The following PRLR variants were observed in gnomAD, a reference collection of about 807,000 sequenced individuals.
PRLR encodes prolactin receptor.
PRLR carries 13 observed loss-of-function variants against 40.2 expected under a neutral mutation model. The ratio of observed to expected loss-of-function variants is 0.32; its 90% CI spans 0.21 to 0.51. The LOEUF is 0.51. Ranked by LOEUF, PRLR falls within the 20% of genes least tolerant of loss-of-function variation. The pLI, the probability that PRLR is intolerant of heterozygous loss-of-function variation, is 0.97. For missense variants in PRLR, 656 were observed against 747.3 expected (o/e 0.88, Z 1.42); for synonymous variants, 269 against 278.7 (o/e 0.97, Z 0.35).
chr5:35,134,946 C>T (rs752342387), intron 1 of PRLR, among the ~76,000 whole-genome samples: 5 of 152,276 alleles, frequency 3.3e-5, no homozygotes, highest in Admixed American at 1.3e-4. Context: ...GCTGGTGTAA[C>T]GCAGCCCAGT....
chr5:35,115,978 C>A (rs1772991681), intron 2 of PRLR, among the ~76,000 whole-genome samples: 2 of 152,102 alleles, frequency 1.3e-5, no homozygotes, highest in Admixed American at 1.3e-4. Context: ...TTCTTTTCAC[C>A]CTGAAACTGA....
At chr5:35,194,716 A>C (rs1198367097) in intron 1 of PRLR, among the ~76,000 whole-genome samples, 1 of 152,230 alleles carries the variant, frequency 6.6e-6, no homozygotes, top group Non-Finnish European at 1.5e-5. Flanking sequence ...ATTTCAGAAA[A>C]GACACAAGTA....
chr5:35,108,286 T>A (rs534431707), intron 2 of PRLR, among the ~76,000 whole-genome samples: 2 of 152,280 alleles, frequency 1.3e-5, no homozygotes, highest in African/African-American at 4.8e-5. Context: ...GGGCAAAAAC[T>A]GGAAGCATTC....
chr5:35,093,404 G>C (rs1043993721), intron 2 of PRLR, among the ~76,000 whole-genome samples: 1 of 152,148 alleles, frequency 6.6e-6, no homozygotes, highest in Non-Finnish European at 1.5e-5. Context: ...AATCCTGCCT[G>C]CCAGCAATCT....
intron 1 of PRLR, among the ~76,000 whole-genome samples, chr5:35,173,679 C>T (rs886454536): frequency 6.6e-6 from 1 of 152,212 alleles, no homozygotes; most frequent in Admixed American, 6.5e-5. Flanking sequence ...AACTTTCCTG[C>T]CTCTTATGTC....
chr5:35,152,596 A>G (rs1774372805), intron 1 of PRLR, among the ~76,000 whole-genome samples: 1 of 152,220 alleles, frequency 6.6e-6, no homozygotes, highest in Non-Finnish European at 1.5e-5. Flanking sequence ...AACCCACACT[A>G]GTACAAGTAT....
At chr5:35,211,654 T>C (rs867692430) in intron 1 of PRLR, among the ~76,000 whole-genome samples, 3 of 152,232 alleles carry the variant, frequency 2.0e-5, no homozygotes, top group Non-Finnish European at 4.4e-5. Context: ...ACTTGCTTAT[T>C]GATGTTATTC....
chr5:35,164,486 C>A (rs1225447310), intron 1 of PRLR, among the ~76,000 whole-genome samples: 1 of 152,002 alleles, frequency 6.6e-6, no homozygotes, highest in African/African-American at 2.4e-5. Flanking sequence ...AAATAGCAAG[C>A]ACAAAAAGTC....
intron 1 of PRLR, among the ~76,000 whole-genome samples, chr5:35,142,198 GATAT>G (rs1449538755): frequency 6.6e-6 from 1 of 152,202 alleles, no homozygotes; most frequent in Non-Finnish European, 1.5e-5. Context: ...GAAATTAGCA[GATAT>G]ATAGTATCAG....
chr5:35,063,023 T>G lies in PRLR; in HGVS notation c.*2066A>C, dbSNP rs1384551254. On this transcript the variant is annotated 3_prime_UTR_variant, in exon 10 of 10. Coordinates refer to ENST00000618457, the MANE Select transcript of PRLR (RefSeq NM_000949.7). ...AAACTTCAGTGTGCAATTGAATCAT[T>G]TGGGGATCTTAGTAAAATGCAGATT... is the stretch of plus-strand genomic sequence containing the variant. 6.6e-6 allele frequency: 1 copy of G among 152,148 alleles called. No individual in the cohort carries two copies. Among genetic ancestry groups the G allele is most frequent in the African/African-American group, 2.4e-5 (1 of 41,426 alleles). 9.4% of individuals were successfully genotyped at this position (152,148 alleles called of 1,614,324 possible). A position where few individuals can be genotyped will look rare whatever the true frequency, so the allele number is the denominator to read the frequency against.
intron 5 of PRLR, among the ~76,000 whole-genome samples, chr5:35,083,876 ATTATC>A (rs149919654): frequency 0.035 from 5,249 of 151,952 alleles, 302 homozygotes; most frequent in African/African-American, 0.12. Context: ...ACCACCTCAT[ATTATC>A]TTATGTTATA....
At position 35,063,879 on chromosome 5, in the gene PRLR, T is replaced by C. The variant is rs529387314; in HGVS notation, c.*1210A>G. 1 of 152,276 alleles carries C rather than the reference T, an allele frequency of 6.6e-6. No individual in the cohort carries two copies. Among genetic ancestry groups the C allele is most frequent in the African/African-American group, 2.4e-5 (1 of 41,560 alleles). The allele number at this position is 152,276 out of a possible 1,614,324, so 9.4% of individuals were successfully genotyped here. A position where few individuals can be genotyped will look rare whatever the true frequency, so the allele number is the denominator to read the frequency against. On this transcript the variant is annotated 3_prime_UTR_variant, in exon 10 of 10. Transcript: ENST00000618457. Reference sequence around the variant, plus strand: ...TTTCTGGTCTGTGGAGAATCCTAAATCCCTAGGTTGGTGGTGGTGGTAGCA... The same window carrying C: ...TTTCTGGTCTGTGGAGAATCCTAAACCCCTAGGTTGGTGGTGGTGGTAGCA...
intron 1 of PRLR, chr5:35,135,154 ACTT>A (rs1773815357): frequency 6.6e-6 from 1 of 151,704 alleles, no homozygotes; most frequent in Non-Finnish European, 1.5e-5. Flanking sequence ...GGAAACAAAT[ACTT>A]CTTTATCATT....
In PRLR at chr5:35,214,855, A is replaced by G. The variant is rs527287798; in HGVS notation, c.-106+15413T>C. On this transcript the variant is annotated intron_variant, in intron 1 of 9. Transcript: ENST00000618457. ...TTTGAAACAGACCCCTGAGGAGATTAGAAAGTATGCACACAAATAACAATG... is the reference window on the plus strand; with the variant it reads ...TTTGAAACAGACCCCTGAGGAGATTGGAAAGTATGCACACAAATAACAATG... Among the ~76,000 whole-genome samples, 3 of 152,352 alleles carry G rather than the reference A, an allele frequency of 2.0e-5. No individual in the cohort carries two copies. The South Asian group carries it at 6.2e-4, about 32-fold the overall frequency.
At chr5:35,069,228 C>T (rs915236495) in intron 7 of PRLR, among the ~76,000 whole-genome samples, 2 of 152,226 alleles carry the variant, frequency 1.3e-5, no homozygotes, top group Admixed American at 6.5e-5. Context: ...GTGTTAAACT[C>T]TTTGCCTACA....
At chr5:35,107,490 AAAG>A (rs1772341379) in intron 2 of PRLR, among the ~76,000 whole-genome samples, 2 of 152,204 alleles carry the variant, frequency 1.3e-5, no homozygotes, top group Admixed American at 6.5e-5. Context: ...CAAGACTAAT[AAAG>A]AAGAAAAGAG....
At chr5:35,093,177 G>A (rs899988876) in intron 2 of PRLR, among the ~76,000 whole-genome samples, 4 of 152,108 alleles carry the variant, frequency 2.6e-5, no homozygotes, top group African/African-American at 9.7e-5. Context: ...CTCCCTACAT[G>A]GAAAATCGGG....
chr5:35,147,317 C>T (rs959118588), intron 1 of PRLR, among the ~76,000 whole-genome samples: 5 of 152,126 alleles, frequency 3.3e-5, no homozygotes, highest in Admixed American at 2.0e-4. Context: ...GCCACTTCTC[C>T]CCTCATTTCT....
At position 35,059,384 on chromosome 5, in the gene PRLR, G is replaced by A. The variant is rs1768903223; in HGVS notation, c.*5705C>T. On this transcript the variant is annotated 3_prime_UTR_variant, in exon 10 of 10. Coordinates refer to ENST00000618457, the MANE Select transcript of PRLR (RefSeq NM_000949.7). ...ATTGAAATCAGAGCATTAAATCAAG[G>A]GAATTGATGTGGACAAAACAGCTGC... 2.0e-5 allele frequency: 3 copies of A among 151,838 alleles called. No individual in the cohort carries two copies. Among genetic ancestry groups the A allele is most frequent in the Admixed American group, 6.6e-5 (1 of 15,246 alleles). The allele number at this position is 151,838 out of a possible 1,614,324, so 9.4% of individuals were successfully genotyped here. A position where few individuals can be genotyped will look rare whatever the true frequency, so the allele number is the denominator to read the frequency against.
Sources: allele counts gnomAD v4.1 joint callset (sites outside exome capture counted in the v4.1 genomes callset), GRCh38; gene constraint gnomAD v4.1.1; transcripts MANE v1.5; gene names NCBI Gene and HGNC (gene_info 2026-07-23, HGNC 2026-07-21).